The following EAF2 variants were observed in gnomAD, a reference collection of about 807,000 sequenced individuals.
EAF2 encodes the protein ELL-associated factor 2.
In EAF2, 29 loss-of-function variants were observed where a neutral mutation model predicts 29.4. That is an observed-to-expected ratio of 0.99 (90% CI 0.73 to 1.35). EAF2 has a LOEUF of 1.35. Ranked by LOEUF, EAF2 falls within the 40% of genes most tolerant of loss-of-function variation. The pLI is 0.00. For missense variants in EAF2, 292 were observed against 312.0 expected, an observed-to-expected ratio of 0.94 and a Z score of 0.48; for synonymous variants, 103 against 102.5, an observed-to-expected ratio of 1.00 and a Z score of -0.03.
intron 5 of EAF2, among the ~76,000 whole-genome samples, chr3:121,874,046 T>C (rs1709059386): frequency 6.6e-6 from 1 of 151,890 alleles, no homozygotes; most frequent in Non-Finnish European, 1.5e-5. Context: ...TGCTTATCAT[T>C]GAATTCTTGC....
rs546507791 is a variant in EAF2 at position 121,860,271 on chromosome 3, T to C, written c.484+3115T>C. ...TACCAGCCCCTCTTTCTACCTCTGG[T>C]AGAATTCAGCTGTGAATCCGTCTGG... On this transcript the variant is annotated intron_variant, in intron 4 of 5. Transcript: ENST00000273668. Among the ~76,000 whole-genome samples the C allele has an allele frequency of 1.1e-3, 171 of 152,340 alleles. 2 individuals are homozygous for C. Among genetic ancestry groups the C allele is most frequent in the South Asian group, 0.011 (54 of 4,830 alleles).
chr3:121,878,447 A>G lies in EAF2; in HGVS notation c.736+5659A>G, dbSNP rs138018130. Among the ~76,000 whole-genome samples the G allele has an allele frequency of 2.2e-3, 328 of 152,246 alleles. 2 individuals carry two copies. Among genetic ancestry groups the G allele is most frequent in the African/African-American group, 7.4e-3 (306 of 41,558 alleles). Reference sequence around the variant, plus strand: ...CTCTTTTAGCTATTTTGAAATATACAATAAATTGTTGTTAACTATAGTCAT... The same window carrying G: ...CTCTTTTAGCTATTTTGAAATATACGATAAATTGTTGTTAACTATAGTCAT... On this transcript the variant is annotated intron_variant, in intron 5 of 5. Transcript: ENST00000273668.
intron 5 of EAF2, among the ~76,000 whole-genome samples, chr3:121,880,458 GTGTGTGT>G (rs1559831386): frequency 0.079 from 1,464 of 18,508 alleles, 31 homozygotes; most frequent in African/African-American, 0.13. Flanking sequence ...GTTTTGGGGT[GTGTGTGT>G]GTGTGTGTGT....
chr3:121,870,597 A>C (rs767624784), intron 4 of EAF2, among the ~76,000 whole-genome samples: 5 of 152,206 alleles, frequency 3.3e-5, no homozygotes, highest in Admixed American at 6.5e-5. Flanking sequence ...TAATGAAATG[A>C]AAAGCCTAGC....
At chr3:121,864,578 G>A (rs926451217) in intron 4 of EAF2, among the ~76,000 whole-genome samples, 6 of 152,090 alleles carry the variant, frequency 3.9e-5, no homozygotes, top group Non-Finnish European at 5.9e-5. Context: ...TACTTTGGGA[G>A]GACAAGGCAG....
At chr3:121,835,421 G>T in intron 1 of EAF2, 30 bp downstream of exon 1, 1 of 1,595,790 alleles carries the variant, frequency 6.3e-7, no homozygotes, top group South Asian at 1.1e-5. Flanking sequence ...GGATAGAGGG[G>T]GAGCCTCCCG....
In EAF2 at chr3:121,853,432, T is replaced by C. The variant is rs558827388; in HGVS notation, c.202-1255T>C. Among the ~76,000 whole-genome samples, 6 of 152,320 alleles carry C rather than the reference T, an allele frequency of 3.9e-5. 1 individual carries two copies. The South Asian group carries it at 1.2e-3, about 32-fold the overall frequency. On this transcript the variant is annotated intron_variant, in intron 2 of 5. Coordinates refer to ENST00000273668, the MANE Select transcript of EAF2 (RefSeq NM_018456.6). ...CTCCACCCCTTTTTTAATTTATCTT[T>C]TTTAGAGACAGGGTCTCACTGTGTT... is the stretch of plus-strand genomic sequence containing the variant.
intron 1 of EAF2, among the ~76,000 whole-genome samples, chr3:121,841,252 C>T (rs1158845197): frequency 6.6e-6 from 1 of 151,954 alleles, no homozygotes; most frequent in Non-Finnish European, 1.5e-5. Context: ...GCCTGTAATC[C>T]CAGCACTTTG....
At chr3:121,863,472 G>C (rs1708868343) in intron 4 of EAF2, among the ~76,000 whole-genome samples, 1 of 152,166 alleles carries the variant, frequency 6.6e-6, no homozygotes, top group South Asian at 2.1e-4. Context: ...AGTGAATGAG[G>C]CTCCGTGGGC....
chr3:121,881,068 G>A (rs781394315), intron 5 of EAF2, among the ~76,000 whole-genome samples: 2 of 152,142 alleles, frequency 1.3e-5, no homozygotes, highest in Non-Finnish European at 2.9e-5. Flanking sequence ...ACATCTCTGG[G>A]ATAAATCCCA....
intron 5 of EAF2, among the ~76,000 whole-genome samples, chr3:121,880,686 T>G (rs1709179052): frequency 6.6e-6 from 1 of 152,164 alleles, no homozygotes; most frequent in Non-Finnish European, 1.5e-5. Context: ...ACAGTTTGAC[T>G]TCCTCCTTTG....
At chr3:121,846,456 T>C (rs1388802251) in intron 2 of EAF2, among the ~76,000 whole-genome samples, 1 of 152,224 alleles carries the variant, frequency 6.6e-6, no homozygotes, top group African/African-American at 2.4e-5. Flanking sequence ...AAATTTAATC[T>C]CCAGTAACCT....
intron 5 of EAF2, among the ~76,000 whole-genome samples, chr3:121,883,305 C>T (rs1003861500): frequency 4.6e-5 from 7 of 152,202 alleles, no homozygotes; most frequent in African/African-American, 1.7e-4. Flanking sequence ...TATTGTTATG[C>T]GTATTGCTGC....
At chr3:121,845,676 C>G (rs908421343) in intron 2 of EAF2, among the ~76,000 whole-genome samples, 2 of 151,918 alleles carry the variant, frequency 1.3e-5, no homozygotes, top group Admixed American at 1.3e-4. Flanking sequence ...TTTAAAACCA[C>G]TCCTCAAACT....
intron 5 of EAF2, among the ~76,000 whole-genome samples, chr3:121,875,456 G>C (rs1244017043): frequency 6.6e-6 from 1 of 151,944 alleles, no homozygotes; most frequent in Non-Finnish European, 1.5e-5. Flanking sequence ...ATGGAGCTCA[G>C]AGGACTAGGT....
chr3:121,878,796 A>G (rs1484884605), intron 5 of EAF2, among the ~76,000 whole-genome samples: 1 of 152,164 alleles, frequency 6.6e-6, no homozygotes, highest in Non-Finnish European at 1.5e-5. Context: ...CCATTAATGG[A>G]CACTTTGGTT....
At chr3:121,880,373 C>T (rs993296610) in intron 5 of EAF2, among the ~76,000 whole-genome samples, 14 of 151,684 alleles carry the variant, frequency 9.2e-5, no homozygotes, top group African/African-American at 3.2e-4. Flanking sequence ...GAACTCCTGG[C>T]CCCAGGCAGT....
chr3:121,855,536 C>T (rs917870256), intron 3 of EAF2, among the ~76,000 whole-genome samples: 2 of 152,090 alleles, frequency 1.3e-5, no homozygotes, highest in African/African-American at 4.8e-5. Flanking sequence ...GGGAAGGATC[C>T]TGGGAAACTC....
intron 2 of EAF2, among the ~76,000 whole-genome samples, chr3:121,849,889 T>C (rs1044140641): frequency 2.7e-5 from 4 of 149,962 alleles, no homozygotes; most frequent in Admixed American, 6.6e-5. Flanking sequence ...TGTCCTATTT[T>C]TGTGTTTTTA....
Sources: allele counts gnomAD v4.1 joint callset (sites outside exome capture counted in the v4.1 genomes callset), GRCh38; gene constraint gnomAD v4.1.1; transcripts MANE v1.5; gene names NCBI Gene and HGNC (gene_info 2026-07-23, HGNC 2026-07-21).